Variants in GALNT13 observed in about 807,000 individuals in gnomAD.
GALNT13 encodes the protein UDP-GalNAc:polypeptide N-acetylgalactosaminyltransferase 13.
In GALNT13, 28 loss-of-function variants were observed where a neutral mutation model predicts 64.2. The observed-to-expected ratio is 0.44, with a 90% CI of 0.32 to 0.60. The LOEUF (loss-of-function observed/expected upper bound fraction) is 0.60. Ranked by LOEUF, GALNT13 falls within the 20% of genes least tolerant of loss-of-function variation. The pLI, the probability that GALNT13 is intolerant of heterozygous loss-of-function variation, is 0.05. For missense variants in GALNT13, 577 were observed against 669.8 expected, an observed-to-expected ratio of 0.86 and a Z score of 1.53; for synonymous variants, 214 against 224.6, an observed-to-expected ratio of 0.95 and a Z score of 0.42.
the GALNT13 span, among the ~76,000 whole-genome samples, chr2:153,172,448 C>T: frequency 6.6e-6 from 1 of 152,064 alleles, no homozygotes; most frequent in Admixed American, 6.5e-5. Context: ...GACTTTTGGA[C>T]AGACTACTTA....
chr2:153,891,712 A>G (rs1687564681), intron 1 of GALNT13, among the ~76,000 whole-genome samples: 1 of 152,126 alleles, frequency 6.6e-6, no homozygotes, highest in Non-Finnish European at 1.5e-5. Context: ...CATTGTCAAT[A>G]GAGGGATCTC....
chr2:154,057,632 C>T (rs1305735554), intron 3 of GALNT13, among the ~76,000 whole-genome samples: 1 of 152,118 alleles, frequency 6.6e-6, no homozygotes, highest in Non-Finnish European at 1.5e-5. Context: ...CATAATCCAG[C>T]TCTGCAGCAG....
intron 4 of GALNT13, among the ~76,000 whole-genome samples, chr2:154,170,785 C>G (rs1685304604): frequency 6.6e-6 from 1 of 151,678 alleles, no homozygotes; most frequent in Non-Finnish European, 1.5e-5. Context: ...TTATATTGCC[C>G]CAAAATGAGT....
chr2:154,195,399 C>T (rs1686824558), intron 4 of GALNT13, among the ~76,000 whole-genome samples: 2 of 152,056 alleles, frequency 1.3e-5, no homozygotes, highest in South Asian at 4.1e-4. Context: ...CTTCGGGGCT[C>T]TTTCTTTTAG....
chr2:153,478,690 T>A, the GALNT13 span: 1 of 798,910 alleles, frequency 1.3e-6, no homozygotes, highest in Non-Finnish European at 2.0e-6. Context: ...CTCCTCGCTC[T>A]GCTTTCGAAA....
the GALNT13 span, among the ~76,000 whole-genome samples, chr2:153,575,705 C>T: frequency 3.3e-5 from 5 of 152,080 alleles, no homozygotes; most frequent in Non-Finnish European, 5.9e-5. Context: ...TCCCTAAGGC[C>T]CAAGGTCTCT....
the GALNT13 span, among the ~76,000 whole-genome samples, chr2:153,805,276 T>C: frequency 6.6e-6 from 1 of 151,988 alleles, no homozygotes; most frequent in African/African-American, 2.4e-5. Context: ...ATAAGTAACA[T>C]ATAATGAAAA....
chr2:154,020,833 A>G (rs1438590204), intron 3 of GALNT13, among the ~76,000 whole-genome samples: 3 of 151,708 alleles, frequency 2.0e-5, no homozygotes, highest in South Asian at 2.1e-4. Flanking sequence ...TATGGTTTTA[A>G]GTCTAACATT....
chr2:154,439,390 G>A (rs1027043592), intron 12 of GALNT13, among the ~76,000 whole-genome samples: 12 of 152,152 alleles, frequency 7.9e-5, no homozygotes, highest in Admixed American at 5.9e-4. Context: ...GCATAACGAA[G>A]CTTACTCTTG....
the GALNT13 span, among the ~76,000 whole-genome samples, chr2:153,310,015 G>C: frequency 1.3e-5 from 2 of 152,052 alleles, no homozygotes; most frequent in Non-Finnish European, 2.9e-5. Flanking sequence ...CTGAGATTTT[G>C]GGGATCATTT....
the GALNT13 span, among the ~76,000 whole-genome samples, chr2:153,154,245 T>C: frequency 6.6e-6 from 1 of 152,222 alleles, no homozygotes; most frequent in East Asian, 1.9e-4. Context: ...AGTGAATAAG[T>C]CTTATGATAT....
intron 9 of GALNT13, among the ~76,000 whole-genome samples, chr2:154,363,988 T>C (rs142426521): frequency 6.6e-6 from 1 of 152,172 alleles, no homozygotes; most frequent in Admixed American, 6.5e-5. Context: ...TTAAGAACAT[T>C]AAAAATCCAT....
the GALNT13 span, among the ~76,000 whole-genome samples, chr2:153,540,797 A>G: frequency 1.8e-4 from 28 of 152,100 alleles, no homozygotes; most frequent in Non-Finnish European, 3.4e-4. Flanking sequence ...GTTGTGACCA[A>G]TTTCTCCCAT....
chr2:153,517,414 C>T, the GALNT13 span, among the ~76,000 whole-genome samples: 2 of 152,054 alleles, frequency 1.3e-5, no homozygotes, highest in Non-Finnish European at 2.9e-5. Context: ...TTGACTTCAG[C>T]GCTGGGACAA....
the GALNT13 span, among the ~76,000 whole-genome samples, chr2:153,576,707 A>G: frequency 6.6e-6 from 1 of 152,202 alleles, no homozygotes; most frequent in African/African-American, 2.4e-5. Context: ...AGATAAAACT[A>G]GGTACTAAGA....
chr2:153,400,776 C>A, the GALNT13 span, among the ~76,000 whole-genome samples: 1 of 152,012 alleles, frequency 6.6e-6, no homozygotes, highest in African/African-American at 2.4e-5. Context: ...GTGATATCCC[C>A]TTTATCATTT....
the GALNT13 span, among the ~76,000 whole-genome samples, chr2:153,332,383 A>C: frequency 3.3e-5 from 5 of 152,140 alleles, no homozygotes; most frequent in Non-Finnish European, 7.4e-5. Context: ...AATTGTTTTC[A>C]CTTATTTCAA....
the GALNT13 span, among the ~76,000 whole-genome samples, chr2:153,566,801 C>T: frequency 1.3e-5 from 2 of 149,302 alleles, no homozygotes; most frequent in African/African-American, 4.9e-5. Flanking sequence ...AGTGCCTCTA[C>T]TTTCGCCAGT....
At chr2:153,979,092 A>G (rs964317321) in intron 3 of GALNT13, among the ~76,000 whole-genome samples, 2 of 152,160 alleles carry the variant, frequency 1.3e-5, no homozygotes, top group Admixed American at 6.5e-5. Context: ...AAGGTTAATA[A>G]CAATAGTTAT....
Sources: allele counts gnomAD v4.1 joint callset (sites outside exome capture counted in the v4.1 genomes callset), GRCh38; gene constraint gnomAD v4.1.1; transcripts MANE v1.5; gene names NCBI Gene and HGNC (gene_info 2026-07-23, HGNC 2026-07-21).